The following C16orf90 variants were observed in gnomAD, a reference collection of about 807,000 sequenced individuals.
The protein encoded by C16orf90 is chromosome 16 open reading frame 90.
In C16orf90, 17 loss-of-function variants were observed where a neutral mutation model predicts 17.1. The ratio of observed to expected loss-of-function variants is 1.00; its 90% CI spans 0.68 to 1.49. The LOEUF is 1.49. Ranked by LOEUF, C16orf90 falls within the 40% of genes most tolerant of loss-of-function variation. The pLI, the probability that C16orf90 is intolerant of heterozygous loss-of-function variation, is 0.00. For missense variants in C16orf90, 255 were observed against 235.5 expected (o/e 1.08, Z -0.54); for synonymous variants, 108 against 95.8 (o/e 1.13, Z -0.75).
chr16:3,495,317 G>A, intron 1 of C16orf90, 59 bp downstream of exon 1: 1 of 1,558,042 alleles, frequency 6.4e-7, no homozygotes, highest in Admixed American at 1.9e-5. Flanking sequence ...TCGGCTTTGG[G>A]CCCAGGTGGG....
In C16orf90 at chr16:3,493,617, T is replaced by C; in HGVS notation, c.*222A>G. Reference sequence around the variant, plus strand: ...GTGGCTGACTGGAGTCTAAGCAGGCTGCAAGGGCACGGCCATGCTTCTATT... The same window carrying C: ...GTGGCTGACTGGAGTCTAAGCAGGCCGCAAGGGCACGGCCATGCTTCTATT... On this transcript the variant is annotated 3_prime_UTR_variant, in exon 3 of 3. Transcript: ENST00000437192. 2.3e-6 allele frequency: 1 copy of C among 432,510 alleles called. No individual in the cohort carries two copies. Among genetic ancestry groups the C allele is most frequent in the Non-Finnish European group, 4.3e-6 (1 of 234,516 alleles). The allele number at this position is 432,510 out of a possible 1,614,324, so 26.8% of individuals were successfully genotyped here.
At chr16:3,496,333 C>A (rs1419517949), upstream of C16orf90, 11 of 1,161,104 alleles carry the variant, frequency 9.5e-6, no homozygotes, top group Non-Finnish European at 1.3e-5. Context: ...ACTCCACATT[C>A]AACCAGGTTG....
chr16:3,495,292 C>G, intron 1 of C16orf90, 84 bp downstream of exon 1: 2 of 1,484,812 alleles, frequency 1.3e-6, no homozygotes, highest in Non-Finnish European at 1.8e-6. Flanking sequence ...GCATACATGT[C>G]CCTGAGGCCA....
chr16:3,493,936 G>A lies in C16orf90; in HGVS notation c.452C>T (p.Pro151Leu). The change falls in exon 3 of 3, where the codon CCT becomes CTT. Residue 151 changes from proline to leucine, a missense_variant. Transcript: ENST00000437192. ...GGACCTCTTGGGCCTGAGCCTAGAA[G>A]GACTAGGCTGGGGGAGGGCACCCTT... ...PDKGALPQPS[P>L]SRLRPKRSWG... 1 of 1,610,324 alleles carries A rather than the reference G, an allele frequency of 6.2e-7. No individual in the cohort carries two copies. Among genetic ancestry groups the A allele is most frequent in the Non-Finnish European group, 8.5e-7 (1 of 1,178,188 alleles).
At position 3,493,956 on chromosome 16, in the gene C16orf90, A is replaced by T; in HGVS notation, c.432T>A (p.Gly144=). ...ASSSSMDPDK[G]ALPQPSPSRL... is the part of the protein sequence containing the mutation. ...TAGAAGGACTAGGCTGGGGGAGGGC[A>T]CCCTTGTCTGGGTCCATGCTGGAAC... Residue 144 remains glycine, a synonymous_variant, in exon 3 of 3, where the codon GGT becomes GGA. Coordinates refer to ENST00000437192, the MANE Select transcript of C16orf90 (RefSeq NM_001080524.2). The T allele has an allele frequency of 6.2e-7, 1 of 1,609,884 alleles. No individual in the cohort carries two copies. Among genetic ancestry groups the T allele is most frequent in the Non-Finnish European group, 8.5e-7 (1 of 1,178,080 alleles).
chr16:3,495,296 G>C, intron 1 of C16orf90, 80 bp downstream of exon 1: 1 of 1,503,232 alleles, frequency 6.7e-7, no homozygotes, highest in Non-Finnish European at 9.1e-7. Flanking sequence ...ACATGTCCCT[G>C]AGGCCACCCC....
upstream of C16orf90, chr16:3,496,395 C>T (rs1370569275): frequency 8.6e-7 from 1 of 1,161,146 alleles, no homozygotes; most frequent in Non-Finnish European, 1.3e-6. Flanking sequence ...CTGTCCGTTT[C>T]CCGGATGATC....
chr16:3,496,452 T>C, upstream of C16orf90: 1 of 955,688 alleles, frequency 1.0e-6, no homozygotes, highest in Non-Finnish European at 1.6e-6. Flanking sequence ...GCCGTGGTTG[T>C]GGGGACGCTT....
rs775689819 is a variant in C16orf90 at position 3,493,909 on chromosome 16, C to G, written c.479G>C (p.Trp160Ser). ...ACACATGGCCTCTTCCCAGGTCCCC[C>G]AGGACCTCTTGGGCCTGAGCCTAGA... ...SPSRLRPKRS[W>S]GTWEEAMCPL... Residue 160 changes from tryptophan to serine, a missense_variant, in exon 3 of 3, where the codon TGG becomes TCG. Transcript: ENST00000437192. The G allele has an allele frequency of 1.7e-5, 28 of 1,608,928 alleles. No homozygotes were observed. Among genetic ancestry groups the G allele is most frequent in the Non-Finnish European group, 2.4e-5 (28 of 1,177,722 alleles).
At chr16:3,494,311 T>C (rs1190603330) in intron 2 of C16orf90, among the ~76,000 whole-genome samples, 2 of 149,536 alleles carry the variant, frequency 1.3e-5, no homozygotes, top group Non-Finnish European at 3.0e-5. Context: ...AGATCCTCCC[T>C]TTTTCTCGCA....
rs1234961455 is a variant in C16orf90, at chr16:3,495,402, G to A, written c.20C>T (p.Ala7Val). The part of the protein sequence containing the change: MEALVC[A>V]FSELHIREDA... ...TTCTCTTATGTGCAGCTCAGAAAAT[G>A]CACAGACCAAGGCTTCCATGGAGGG... Residue 7 changes from alanine to valine, a missense_variant, in exon 1 of 3, where the codon GCA (alanine) becomes GTA (valine). Coordinates refer to ENST00000437192, the MANE Select transcript of C16orf90 (RefSeq NM_001080524.2). 1 of 1,610,380 alleles carries A rather than the reference G, an allele frequency of 6.2e-7. No homozygotes were observed. Among genetic ancestry groups the A allele is most frequent in the South Asian group, 1.1e-5 (1 of 90,052 alleles).
chr16:3,494,164 T>C (rs1045196963), intron 2 of C16orf90, among the ~76,000 whole-genome samples, 177 bp from the exon 3 acceptor site: 1 of 152,070 alleles, frequency 6.6e-6, no homozygotes, highest in African/African-American at 2.4e-5. Flanking sequence ...GGGAACAGAA[T>C]GGTTCAAGCT....
chr16:3,494,417 G>C, intron 2 of C16orf90, 107 bp downstream of exon 2: 5 of 873,742 alleles, frequency 5.7e-6, no homozygotes, highest in Non-Finnish European at 9.0e-6. Context: ...TCTGGGGCAT[G>C]GTGCCACTGT....
chr16:3,495,965 C>A (rs2037303086), upstream of C16orf90, among the ~76,000 whole-genome samples: 1 of 151,962 alleles, frequency 6.6e-6, no homozygotes, highest in South Asian at 2.1e-4. Context: ...ACGGTGAAAC[C>A]CCGTCTCTAC....
chr16:3,494,408 C>T, intron 2 of C16orf90, 116 bp downstream of exon 2: 1 of 827,120 alleles, frequency 1.2e-6, no homozygotes, highest in East Asian at 2.7e-5. Context: ...TCTTGGCCTT[C>T]TGGGGCATGG....
At chr16:3,495,570 A>G, upstream of C16orf90, 1 of 1,467,318 alleles carries the variant, frequency 6.8e-7, no homozygotes, top group Admixed American at 2.2e-5. Context: ...CTGGACCCCT[A>G]GTTTGGGAGA....
chr16:3,494,856 C>T lies in C16orf90; in HGVS notation c.68G>A (p.Gly23Glu). 6.6e-7 allele frequency: 1 copy of T among 1,525,236 alleles called. No individual in the cohort carries two copies. Among genetic ancestry groups the T allele is most frequent in the Non-Finnish European group, 8.8e-7 (1 of 1,142,470 alleles). The allele number at this position is 1,525,236 out of a possible 1,614,324, so 94.5% of individuals were successfully genotyped here. The change falls in exon 2 of 3, where the codon GGA (glycine) becomes GAA (glutamate). Residue 23 changes from glycine (G) to glutamate (E), a missense_variant. Transcript: ENST00000437192. ...GGGTGCGTCAGGGTGGCCGGGGCGT[C>T]CTTGGGCCTGGCTCACTGCATCTGC... ...IREDAVSQAQ[G>E]RPGHPDAPPN...
chr16:3,495,024 C>A, intron 1 of C16orf90, 147 bp from the exon 2 acceptor site: 1 of 663,302 alleles, frequency 1.5e-6, no homozygotes, highest in South Asian at 2.0e-5. Context: ...GTCAAATAGT[C>A]TCAGTCCACT....
upstream of C16orf90, chr16:3,495,561 T>C (rs1356228819): frequency 3.4e-6 from 5 of 1,483,120 alleles, no homozygotes; most frequent in African/African-American, 5.6e-5. Context: ...CCAGCCTTCC[T>C]GGACCCCTAG....
Sources: allele counts gnomAD v4.1 joint callset (sites outside exome capture counted in the v4.1 genomes callset), GRCh38; gene constraint gnomAD v4.1.1; transcripts MANE v1.5; gene names NCBI Gene and HGNC (gene_info 2026-07-23, HGNC 2026-07-21).